The following GPC6 variants were observed in gnomAD, a reference collection of about 807,000 sequenced individuals.
GPC6 encodes glypican-6.
In GPC6, 14 loss-of-function variants were observed where a neutral mutation model predicts 55.2. The observed-to-expected ratio is 0.25, with a 90% CI of 0.17 to 0.40. The LOEUF (loss-of-function observed/expected upper bound fraction) is 0.40. Among genes scored for constraint, GPC6 ranks in the 10% least tolerant of loss-of-function variants. The pLI is 1.00. For synonymous variants in GPC6, 278 were observed against 259.6 expected, an observed-to-expected ratio of 1.07 and a Z score of -0.68; for missense variants, 641 against 708.5, an observed-to-expected ratio of 0.90 and a Z score of 1.08.
intron 1 of GPC6, among the ~76,000 whole-genome samples, chr13:93,231,382 T>TAC (rs1317507671): frequency 0.033 from 881 of 26,612 alleles, 21 homozygotes; most frequent in Non-Finnish European, 0.045. Flanking sequence ...TATATATACA[T>TAC]ATATATATAT....
chr13:93,575,949 G>C (rs1408789762), intron 2 of GPC6, among the ~76,000 whole-genome samples: 1 of 151,800 alleles, frequency 6.6e-6, no homozygotes. Flanking sequence ...TGAGTACCCA[G>C]TTGCCTAAAT....
intron 1 of GPC6, among the ~76,000 whole-genome samples, chr13:93,411,723 A>T (rs1021110557): frequency 2.0e-5 from 3 of 152,160 alleles, no homozygotes; most frequent in Non-Finnish European, 4.4e-5. Context: ...TTATAGGCCC[A>T]GGTGCAGTCG....
intron 3 of GPC6, among the ~76,000 whole-genome samples, chr13:93,894,572 A>G (rs1332523159): frequency 6.6e-6 from 1 of 152,282 alleles, no homozygotes; most frequent in East Asian, 1.9e-4. Flanking sequence ...TTCAATCACA[A>G]TTGGAGTAAC....
intron 6 of GPC6, among the ~76,000 whole-genome samples, chr13:94,331,594 G>A (rs74446318): frequency 0.042 from 6,357 of 152,172 alleles, 204 homozygotes; most frequent in African/African-American, 0.087. Flanking sequence ...CCTTGTCCAC[G>A]GACAGCAGCA....
intron 1 of GPC6, among the ~76,000 whole-genome samples, chr13:93,424,402 G>T (rs183668700): frequency 6.6e-6 from 1 of 152,154 alleles, no homozygotes; most frequent in East Asian, 1.9e-4. Flanking sequence ...GAGAAACTCG[G>T]CTGTAAGCTG....
At chr13:93,315,833 A>C (rs1272020542) in intron 1 of GPC6, among the ~76,000 whole-genome samples, 1 of 151,930 alleles carries the variant, frequency 6.6e-6, no homozygotes, top group African/African-American at 2.4e-5. Context: ...CCATCCCTTT[A>C]TCTCTGCGTA....
chr13:93,703,548 A>G (rs1566495052), intron 2 of GPC6, among the ~76,000 whole-genome samples: 1 of 152,026 alleles, frequency 6.6e-6, no homozygotes, highest in Non-Finnish European at 1.5e-5. Context: ...AAAGCAAAGC[A>G]CAATAAAACA....
At chr13:93,751,957 A>G (rs866215064) in intron 2 of GPC6, among the ~76,000 whole-genome samples, 7 of 152,076 alleles carry the variant, frequency 4.6e-5, no homozygotes, top group African/African-American at 1.7e-4. Context: ...GTGGCTTGAC[A>G]TGCCCTTTAA....
chr13:93,456,494 C>A (rs1247287258), intron 1 of GPC6, among the ~76,000 whole-genome samples: 1 of 151,920 alleles, frequency 6.6e-6, no homozygotes, highest in Admixed American at 6.6e-5. Context: ...CTCCTCTCCC[C>A]TAACATACAT....
rs868306975 is a variant in GPC6, at chr13:93,879,411, A to G, written c.711+48866A>G. On this transcript the variant is annotated intron_variant, in intron 3 of 8. Transcript: ENST00000377047. ...ACAGAGCCCTCAGAAATAATGCCCCATATCTACAACTATCTGATCTTTGAC... is the reference window on the plus strand; with the variant it reads ...ACAGAGCCCTCAGAAATAATGCCCCGTATCTACAACTATCTGATCTTTGAC... Among the ~76,000 whole-genome samples, 350 of 152,222 alleles carry G rather than the reference A, an allele frequency of 2.3e-3. 1 individual carries two copies. Among genetic ancestry groups the G allele is most frequent in the African/African-American group, 7.2e-3 (298 of 41,540 alleles).
chr13:93,749,656 G>A (rs911162500), intron 2 of GPC6, among the ~76,000 whole-genome samples: 1 of 151,968 alleles, frequency 6.6e-6, no homozygotes, highest in Non-Finnish European at 1.5e-5. Flanking sequence ...TGCATAATAT[G>A]TAAAGGTTCT....
Position 94,209,388 on chromosome 13 carries a change from T to C in GPC6, c.878-76961T>C, listed in dbSNP as rs190701099. Reference sequence around the variant, plus strand: ...GCTTATGTAATAAAATACATAATTATGAACTTGTTAAAAGAGACATTATTT... The same window carrying C: ...GCTTATGTAATAAAATACATAATTACGAACTTGTTAAAAGAGACATTATTT... On this transcript the variant is annotated intron_variant, in intron 4 of 8. Transcript: ENST00000377047. 4.1e-3 allele frequency among the ~76,000 whole-genome samples: 627 copies of C among 152,338 alleles called. 2 individuals are homozygous for C. The highest frequency in any genetic ancestry group is 0.014 in the African/African-American group (579 of 41,576).
At chr13:94,318,847 TCTACTAA>T (rs1876674775) in intron 6 of GPC6, among the ~76,000 whole-genome samples, 1 of 152,188 alleles carries the variant, frequency 6.6e-6, no homozygotes, top group East Asian at 1.9e-4. Context: ...ATTTCCTTTC[TCTACTAA>T]CTGCTGCCTT....
intron 2 of GPC6, among the ~76,000 whole-genome samples, chr13:93,687,062 G>C (rs1024195300): frequency 9.2e-5 from 14 of 151,894 alleles, no homozygotes; most frequent in African/African-American, 3.4e-4. Flanking sequence ...AATTAATCAA[G>C]TTCATTTTTG....
intron 2 of GPC6, among the ~76,000 whole-genome samples, chr13:93,801,556 G>A (rs1278190552): frequency 5.3e-5 from 8 of 152,116 alleles, no homozygotes; most frequent in African/African-American, 1.9e-4. Context: ...TTCAGTGCCT[G>A]GCTCTAGTAG....
chr13:94,004,641 G>A (rs1293814322), intron 3 of GPC6, among the ~76,000 whole-genome samples: 1 of 152,136 alleles, frequency 6.6e-6, no homozygotes, highest in Non-Finnish European at 1.5e-5. Flanking sequence ...GCAATGTCAA[G>A]CTTTCAAGGA....
Position 93,323,829 on chromosome 13 carries a change from A to G in GPC6, c.160+96213A>G, listed in dbSNP as rs1162906276. The stretch of plus-strand genomic sequence containing the variant: ...AGTTTCCTTTGGGAATAGGTCAAGA[A>G]AAGCTTTATTAAATTATGCCAGTTA... On this transcript the variant is annotated intron_variant, in intron 1 of 8. Transcript: ENST00000377047. Among the ~76,000 whole-genome samples, 5 of 152,200 alleles carry G rather than the reference A, an allele frequency of 3.3e-5. No homozygotes were observed. The South Asian group carries it at 6.2e-4, about 19-fold the overall frequency.
intron 1 of GPC6, among the ~76,000 whole-genome samples, chr13:93,490,229 G>T (rs1165446707): frequency 6.6e-6 from 1 of 151,494 alleles, no homozygotes; most frequent in Non-Finnish European, 1.5e-5. Context: ...AGATAATCAT[G>T]TGGTTTTTGT....
intron 2 of GPC6, among the ~76,000 whole-genome samples, chr13:93,601,281 G>A (rs1878005210): frequency 6.6e-6 from 1 of 152,024 alleles, no homozygotes; most frequent in African/African-American, 2.4e-5. Flanking sequence ...CTACTTGGGA[G>A]GCTGAGGCAG....
Sources: allele counts gnomAD v4.1 joint callset (sites outside exome capture counted in the v4.1 genomes callset), GRCh38; gene constraint gnomAD v4.1.1; transcripts MANE v1.5; gene names NCBI Gene and HGNC (gene_info 2026-07-23, HGNC 2026-07-21).